FHOD3: variants seen among roughly 807,000 people sequenced by gnomAD.
FHOD3 encodes formin homology 2 domain containing 3.
In FHOD3, 90 loss-of-function variants were observed where a neutral mutation model predicts 173.0. That is an observed-to-expected ratio of 0.52 (90% CI 0.44 to 0.62). The LOEUF is 0.62. FHOD3 is among the 20% of genes least tolerant of loss of function. FHOD3 has a pLI of 0.00. For synonymous variants in FHOD3, 828 were observed against 823.0 expected, an observed-to-expected ratio of 1.01 and a Z score of -0.10; for missense variants, 1,945 against 2,034.7, an observed-to-expected ratio of 0.96 and a Z score of 0.85.
intron 5 of FHOD3, among the ~76,000 whole-genome samples, chr18:36,557,220 A>G (rs1043599408): frequency 6.6e-6 from 1 of 152,166 alleles, no homozygotes; most frequent in African/African-American, 2.4e-5. Flanking sequence ...GAGAATATTC[A>G]GCATTATATC....
intron 14 of FHOD3, among the ~76,000 whole-genome samples, chr18:36,661,845 T>TG (rs1159057277): frequency 6.6e-6 from 1 of 152,136 alleles, no homozygotes; most frequent in Non-Finnish European, 1.5e-5. Flanking sequence ...AGGGCTCTCT[T>TG]TTAGAAATAG....
intron 1 of FHOD3, among the ~76,000 whole-genome samples, chr18:36,318,663 C>G (rs1308556755): frequency 3.3e-5 from 5 of 152,156 alleles, no homozygotes; most frequent in Non-Finnish European, 5.9e-5. Flanking sequence ...ACAATCATGT[C>G]ATCTGCAGAG....
chr18:36,372,675 G>A lies in FHOD3; in HGVS notation c.273-5G>A, dbSNP rs772151743. On this transcript the variant is annotated splice_region_variant and splice_polypyrimidine_tract_variant and intron_variant, in intron 2 of 28. Transcript: ENST00000590592. ...ATGCCCCTGTTTTGTCTCCTGTCTCGTTAGGCGGGGCAAGAAGCACAGCAT... is the reference window on the plus strand; with the variant it reads ...ATGCCCCTGTTTTGTCTCCTGTCTCATTAGGCGGGGCAAGAAGCACAGCAT... The A allele has an allele frequency of 2.2e-5, 35 of 1,613,610 alleles. No homozygotes were observed. The highest frequency in any genetic ancestry group is 1.6e-4 in the Middle Eastern group (1 of 6,084).
chr18:36,521,378 C>T (rs1391621895), intron 5 of FHOD3, among the ~76,000 whole-genome samples: 1 of 152,108 alleles, frequency 6.6e-6, no homozygotes, highest in East Asian at 1.9e-4. Flanking sequence ...TGCACCATGC[C>T]CAAACCCAAA....
chr18:36,585,727 A>G (rs999344724), intron 6 of FHOD3, among the ~76,000 whole-genome samples: 4 of 152,238 alleles, frequency 2.6e-5, no homozygotes, highest in Admixed American at 6.5e-5. Flanking sequence ...CGCAAGAAGC[A>G]GAAACTAAGG....
At chr18:36,429,582 T>C (rs1300404567) in intron 3 of FHOD3, among the ~76,000 whole-genome samples, 1 of 152,168 alleles carries the variant, frequency 6.6e-6, no homozygotes, top group African/African-American at 2.4e-5. Flanking sequence ...TAAAGACTAT[T>C]TTTAGCTTGT....
At chr18:36,477,706 T>A (rs1248412394) in intron 3 of FHOD3, among the ~76,000 whole-genome samples, 2 of 152,170 alleles carry the variant, frequency 1.3e-5, no homozygotes, top group East Asian at 3.9e-4. Context: ...CAGGTGTTAA[T>A]GGGAGACATA....
intron 1 of FHOD3, among the ~76,000 whole-genome samples, chr18:36,354,175 A>G (rs1351855357): frequency 6.6e-6 from 1 of 152,188 alleles, no homozygotes; most frequent in Non-Finnish European, 1.5e-5. Context: ...TACAAGCTGC[A>G]TTTTGCACCG....
chr18:36,440,248 G>A (rs1386191396), intron 3 of FHOD3, among the ~76,000 whole-genome samples: 1 of 152,216 alleles, frequency 6.6e-6, no homozygotes, highest in Non-Finnish European at 1.5e-5. Flanking sequence ...GAGCACTCAA[G>A]CTCGGGCAGC....
intron 15 of FHOD3, among the ~76,000 whole-genome samples, chr18:36,685,843 A>G (rs2038575720): frequency 6.6e-6 from 1 of 152,244 alleles, no homozygotes; most frequent in African/African-American, 2.4e-5. Context: ...TTTGGAACCT[A>G]ACCAGCAGGA....
intron 3 of FHOD3, among the ~76,000 whole-genome samples, chr18:36,496,537 A>G (rs536011675): frequency 1.3e-5 from 2 of 152,370 alleles, no homozygotes; most frequent in African/African-American, 4.8e-5. Flanking sequence ...TAAACATAGC[A>G]GGTAGCTTTG....
chr18:36,742,608 T>C (rs2041957000), intron 21 of FHOD3, 129 bp from the exon 22 acceptor site: 1 of 1,015,070 alleles, frequency 9.9e-7, no homozygotes, highest in African/African-American at 1.6e-5. Flanking sequence ...CTAGGAGCAA[T>C]GCCCATCGCG....
intron 3 of FHOD3, among the ~76,000 whole-genome samples, chr18:36,462,778 C>A (rs575683274): frequency 1.3e-4 from 20 of 152,278 alleles, no homozygotes; most frequent in African/African-American, 4.3e-4. Flanking sequence ...GTGTGTGCCA[C>A]TATTTGCAGC....
At chr18:36,727,369 A>G (rs1057401991) in intron 19 of FHOD3, among the ~76,000 whole-genome samples, 1 of 152,104 alleles carries the variant, frequency 6.6e-6, no homozygotes, top group Non-Finnish European at 1.5e-5. Context: ...GGACAGCCCT[A>G]CCCAACCCAC....
chr18:36,431,136 A>AT (rs1241173950), intron 3 of FHOD3, among the ~76,000 whole-genome samples: 1 of 152,236 alleles, frequency 6.6e-6, no homozygotes, highest in Non-Finnish European at 1.5e-5. Context: ...TGGGCTAAAA[A>AT]TTTTATTATA....
intron 3 of FHOD3, among the ~76,000 whole-genome samples, chr18:36,464,561 C>A (rs1021525967): frequency 3.9e-5 from 6 of 152,252 alleles, no homozygotes; most frequent in Non-Finnish European, 8.8e-5. Flanking sequence ...AAAATTCCAT[C>A]AACTAACACT....
chr18:36,402,941 G>T (rs951206500), intron 3 of FHOD3, among the ~76,000 whole-genome samples: 1 of 152,220 alleles, frequency 6.6e-6, no homozygotes, highest in African/African-American at 2.4e-5. Context: ...CAACGGTGAC[G>T]CAAGTTAGAC....
chr18:36,406,146 G>A (rs1174618497), intron 3 of FHOD3, among the ~76,000 whole-genome samples: 1 of 150,470 alleles, frequency 6.6e-6, no homozygotes, highest in Non-Finnish European at 1.5e-5. Context: ...ACCTGCAGAT[G>A]CTTTTAGAGG....
At chr18:36,646,501 C>A (rs552504951) in intron 10 of FHOD3, among the ~76,000 whole-genome samples, 1 of 152,196 alleles carries the variant, frequency 6.6e-6, no homozygotes, top group African/African-American at 2.4e-5. Flanking sequence ...CAGCAAAAAA[C>A]AAGTTGACTT....
Sources: gnomAD v4.1 joint callset for allele counts (sites outside exome capture counted in the v4.1 genomes callset) on GRCh38, gnomAD v4.1.1 for gene constraint, MANE v1.5 for transcripts, NCBI Gene and HGNC (gene_info 2026-07-23, HGNC 2026-07-21) for gene names.